GLIS3: variants seen among roughly 807,000 people sequenced by gnomAD.
GLIS3 encodes the protein GLIS family zinc finger 3.
Under a neutral mutation model 78.6 loss-of-function variants are expected in GLIS3, and 53 were observed. That is an observed-to-expected ratio of 0.67 (90% CI 0.54 to 0.85). The LOEUF (loss-of-function observed/expected upper bound fraction) is 0.85. Ranked by LOEUF, GLIS3 falls within the 40% of genes least tolerant of loss-of-function variation. The pLI, the probability that GLIS3 is intolerant of heterozygous loss-of-function variation, is 0.00. For missense variants in GLIS3, 1,703 were observed against 1,231.1 expected (o/e 1.38, Z -5.74); for synonymous variants, 684 against 509.9 (o/e 1.34, Z -4.60).
chr9:4,235,037 G>C (rs1427019618), intron 2 of GLIS3, among the ~76,000 whole-genome samples: 1 of 152,076 alleles, frequency 6.6e-6, no homozygotes, highest in Non-Finnish European at 1.5e-5. Context: ...GGTGGCTCAC[G>C]CCTGTAATCC....
chr9:4,189,479 T>G (rs964010503), intron 2 of GLIS3, among the ~76,000 whole-genome samples: 5 of 152,148 alleles, frequency 3.3e-5, no homozygotes, highest in Non-Finnish European at 7.3e-5. Context: ...TGTTGATTTG[T>G]GGTGCAGAGT....
chr9:4,378,784 A>T, the GLIS3 span, among the ~76,000 whole-genome samples: 7 of 152,148 alleles, frequency 4.6e-5, no homozygotes, highest in Non-Finnish European at 7.3e-5. Flanking sequence ...TGAGAGCAAT[A>T]ACTTAAACAC....
intron 2 of GLIS3, among the ~76,000 whole-genome samples, chr9:4,328,440 A>C (rs944529103): frequency 4.6e-5 from 7 of 152,198 alleles, no homozygotes; most frequent in Admixed American, 3.3e-4. Flanking sequence ...ATGGATGCTC[A>C]ACACCCCATT....
chr9:4,061,471 C>G (rs1429101578), intron 4 of GLIS3, among the ~76,000 whole-genome samples: 3 of 152,024 alleles, frequency 2.0e-5, no homozygotes, highest in African/African-American at 7.2e-5. Flanking sequence ...CATGGATGGA[C>G]ATTTGGATCA....
chr9:4,312,536 C>T (rs1240814126), intron 2 of GLIS3, among the ~76,000 whole-genome samples: 1 of 152,202 alleles, frequency 6.6e-6, no homozygotes, highest in African/African-American at 2.4e-5. Context: ...TACATACATG[C>T]CAATTTTGCC....
intron 6 of GLIS3, among the ~76,000 whole-genome samples, chr9:3,927,015 G>T (rs754836912): frequency 6.6e-6 from 1 of 152,130 alleles, no homozygotes; most frequent in Admixed American, 6.5e-5. Context: ...ACTTCAATAG[G>T]CCACCCTCTG....
chr9:4,349,459 A>C (rs898715420), upstream of GLIS3, among the ~76,000 whole-genome samples: 4 of 152,200 alleles, frequency 2.6e-5, no homozygotes, highest in African/African-American at 9.7e-5. Flanking sequence ...CGTAGAGTCT[A>C]ATTGGTGTTG....
At chr9:4,195,168 G>A (rs1408321944) in intron 2 of GLIS3, among the ~76,000 whole-genome samples, 2 of 152,244 alleles carry the variant, frequency 1.3e-5, no homozygotes, top group Admixed American at 6.5e-5. Context: ...TGCTCTCAGC[G>A]CCTCCTCGGC....
upstream of GLIS3, among the ~76,000 whole-genome samples, chr9:4,349,636 T>C (rs1817938259): frequency 2.0e-5 from 3 of 152,146 alleles, no homozygotes; most frequent in Non-Finnish European, 4.4e-5. Context: ...TGCAAATTAC[T>C]AGCAAAAATA....
At chr9:4,340,146 C>A (rs1358710134) in intron 2 of GLIS3, among the ~76,000 whole-genome samples, 1 of 151,822 alleles carries the variant, frequency 6.6e-6, no homozygotes, top group Non-Finnish European at 1.5e-5. Flanking sequence ...TTTTCTACAG[C>A]CTTCTCCATA....
chr9:4,140,865 C>G (rs908648886), intron 2 of GLIS3, among the ~76,000 whole-genome samples: 3 of 150,580 alleles, frequency 2.0e-5, no homozygotes, highest in African/African-American at 4.9e-5. Flanking sequence ...GTGGCACAAT[C>G]TCAGCTCACT....
upstream of GLIS3, among the ~76,000 whole-genome samples, chr9:4,350,643 T>C (rs979117192): frequency 2.0e-5 from 3 of 152,184 alleles, no homozygotes; most frequent in African/African-American, 7.2e-5. Context: ...AAATGTTAAA[T>C]TGGACAAAAA....
At chr9:4,321,421 CAAAAAAAAAAAAAAAAAAAA>C (rs35583742) in intron 2 of GLIS3, among the ~76,000 whole-genome samples, 332 of 16,282 alleles carry the variant, frequency 0.02, 4 homozygotes, top group African/African-American at 0.03. Flanking sequence ...GACTCCGTCT[CAAAAAAAAAAAAAAAAAAAA>C]AAAAAAAAAA....
chr9:3,832,375 A>C (rs1440721730), intron 9 of GLIS3, among the ~76,000 whole-genome samples: 1 of 152,224 alleles, frequency 6.6e-6, no homozygotes, highest in Non-Finnish European at 1.5e-5. Context: ...AAGAAAGGAC[A>C]AAGCAGCAGG....
At chr9:3,935,258 T>C (rs1825826229) in intron 5 of GLIS3, among the ~76,000 whole-genome samples, 1 of 152,084 alleles carries the variant, frequency 6.6e-6, no homozygotes, top group African/African-American at 2.4e-5. Flanking sequence ...ATTTGTTAAA[T>C]GCAGTAAAAA....
intron 4 of GLIS3, among the ~76,000 whole-genome samples, chr9:4,017,536 G>C (rs1563952068): frequency 6.6e-6 from 1 of 152,168 alleles, no homozygotes; most frequent in Non-Finnish European, 1.5e-5. Flanking sequence ...GGAGAAGGGA[G>C]ACATCTCTCT....
chr9:4,204,470 G>C (rs1819671859), intron 2 of GLIS3, among the ~76,000 whole-genome samples: 1 of 152,086 alleles, frequency 6.6e-6, no homozygotes, highest in Admixed American at 6.5e-5. Flanking sequence ...AGGAAGAAAA[G>C]GCTGCATCCT....
At chr9:4,476,701 T>C in the GLIS3 span, among the ~76,000 whole-genome samples, 3 of 152,140 alleles carry the variant, frequency 2.0e-5, no homozygotes, top group African/African-American at 4.8e-5. Flanking sequence ...GTCTTGTTTT[T>C]TTTTTAACTA....
chr9:4,088,883 T>C (rs77888905), intron 4 of GLIS3, among the ~76,000 whole-genome samples: 2,136 of 152,370 alleles, frequency 0.014, 59 homozygotes, highest in African/African-American at 0.049. Context: ...CATGGCAGGA[T>C]GCCAGTCCAA....
Sources: gnomAD v4.1 joint callset for allele counts (sites outside exome capture counted in the v4.1 genomes callset) on GRCh38, gnomAD v4.1.1 for gene constraint, MANE v1.5 for transcripts, NCBI Gene and HGNC (gene_info 2026-07-23, HGNC 2026-07-21) for gene names.